Variants in SH3GL2 observed in about 807,000 individuals in gnomAD.
The protein encoded by SH3GL2 is SH3 domain containing GRB2 like 2, endophilin A1.
SH3GL2 carries 24 observed loss-of-function variants against 46.0 expected under a neutral mutation model. The observed-to-expected ratio is 0.52, with a 90% CI of 0.38 to 0.73. The LOEUF (loss-of-function observed/expected upper bound fraction) is 0.73. SH3GL2 is among the 30% of genes least tolerant of loss of function. The pLI, the probability that SH3GL2 is intolerant of heterozygous loss-of-function variation, is 0.00. For missense variants in SH3GL2, 413 were observed against 424.2 expected (o/e 0.97, Z 0.23); for synonymous variants, 196 against 147.1 (o/e 1.33, Z -2.40).
intron 3 of SH3GL2, among the ~76,000 whole-genome samples, chr9:17,784,255 A>G (rs1823894095): frequency 6.6e-6 from 1 of 152,184 alleles, no homozygotes; most frequent in South Asian, 2.1e-4. Context: ...ACAACATTCA[A>G]AATGATGTGT....
At chr9:17,755,744 T>A in intron 2 of SH3GL2, 1 of 982,202 alleles carries the variant, frequency 1.0e-6, no homozygotes, top group Non-Finnish European at 1.2e-6. Flanking sequence ...TATCTTTCAG[T>A]CCTTTTGTTG....
At chr9:17,644,453 C>T (rs544735595) in intron 1 of SH3GL2, among the ~76,000 whole-genome samples, 19 of 152,134 alleles carry the variant, frequency 1.2e-4, no homozygotes, top group African/African-American at 4.6e-4. Flanking sequence ...CCTCTTTCTC[C>T]CGTGGGCATT....
intron 1 of SH3GL2, among the ~76,000 whole-genome samples, chr9:17,607,329 C>T (rs888413699): frequency 1.2e-4 from 18 of 152,100 alleles, no homozygotes; most frequent in East Asian, 3.9e-4. Context: ...ATTTGTGTAT[C>T]GAAACATATT....
rs368284316 is a variant in SH3GL2, at chr9:17,742,811, GT to G, written c.46-4250del. Among the ~76,000 whole-genome samples the G allele has an allele frequency of 3.0e-3, 460 of 152,276 alleles. 1 individual carries two copies. The highest frequency in any genetic ancestry group is 0.01 in the African/African-American group (436 of 41,560). ...GGTTTTGAACCATCAATGTTTTTAG[GT>G]TTTTAAATGGTACAGGAGAGTTGTT... On this transcript the variant is annotated intron_variant, in intron 1 of 8. Coordinates refer to ENST00000380607, the MANE Select transcript of SH3GL2 (RefSeq NM_003026.5).
chr9:17,586,424 C>T (rs920079500), intron 1 of SH3GL2, among the ~76,000 whole-genome samples: 5 of 152,032 alleles, frequency 3.3e-5, no homozygotes, highest in African/African-American at 2.4e-5. Context: ...TTCAAACTAA[C>T]CTTTCCCCAT....
chr9:17,615,936 T>G (rs968907457), intron 1 of SH3GL2, among the ~76,000 whole-genome samples: 1 of 152,114 alleles, frequency 6.6e-6, no homozygotes, highest in South Asian at 2.1e-4. Context: ...GATAGAAAAA[T>G]TGTTGTTCTG....
At chr9:17,647,991 T>G (rs1819863356) in intron 1 of SH3GL2, among the ~76,000 whole-genome samples, 1 of 152,230 alleles carries the variant, frequency 6.6e-6, no homozygotes, top group South Asian at 2.1e-4. Context: ...CACTTCTATT[T>G]AATGGACAGT....
intron 3 of SH3GL2, among the ~76,000 whole-genome samples, chr9:17,765,798 C>T (rs1378181005): frequency 6.6e-6 from 1 of 152,132 alleles, no homozygotes. Flanking sequence ...TGTTTTTCAT[C>T]CGCCATGAGT....
At chr9:17,694,856 G>T (rs1821165524) in intron 1 of SH3GL2, among the ~76,000 whole-genome samples, 1 of 152,156 alleles carries the variant, frequency 6.6e-6, no homozygotes, top group South Asian at 2.1e-4. Flanking sequence ...GGGGCTTACA[G>T]ACTAGAGTTT....
intron 1 of SH3GL2, among the ~76,000 whole-genome samples, chr9:17,628,038 A>G (rs1431517560): frequency 2.0e-5 from 3 of 152,206 alleles, no homozygotes; most frequent in Non-Finnish European, 4.4e-5. Context: ...TTTGGGTCAG[A>G]GGAGTGATTT....
At position 17,764,335 on chromosome 9, in the gene SH3GL2, G is replaced by A. The variant is rs186685715; in HGVS notation, c.187+2826G>A. ...CCTCCACCAGCTTCTTGCCCTGAGA[G>A]TAGACACTGGCCATAGAGCCCAGAC... is the stretch of plus-strand genomic sequence containing the variant. On this transcript the variant is annotated intron_variant, in intron 3 of 8. Coordinates refer to ENST00000380607, the MANE Select transcript of SH3GL2 (RefSeq NM_003026.5). Among the ~76,000 whole-genome samples the A allele has an allele frequency of 1.3e-4, 20 of 152,368 alleles. No homozygotes were observed. The East Asian group carries it at 3.7e-3, about 28-fold the overall frequency.
In SH3GL2 at chr9:17,666,576, G is replaced by GTGTA. The variant is rs1554636879; in HGVS notation, c.46-80488_46-80485dup. ...TGTGTGTGTGTGTGTGTGTGTGTGT[G>GTGTA]TGTATATACATTAAGTTTGCTTTTT... On this transcript the variant is annotated intron_variant, in intron 1 of 8. Transcript: ENST00000380607. Among the ~76,000 whole-genome samples, 5 of 100,510 alleles carry GTGTA rather than the reference G, an allele frequency of 5.0e-5. No homozygotes were observed. The East Asian group carries it at 1.6e-3, about 32-fold the overall frequency. The allele number at this position is 100,510 out of a possible 152,430, so 65.9% of individuals were successfully genotyped here.
intron 1 of SH3GL2, among the ~76,000 whole-genome samples, chr9:17,660,505 T>C (rs1449028766): frequency 6.6e-6 from 1 of 152,226 alleles, no homozygotes; most frequent in Admixed American, 6.5e-5. Flanking sequence ...AGGTGTGATA[T>C]TTGGTACACA....
chr9:17,738,548 G>GTGTGTATATACATACATATACATA (rs1563833708), intron 1 of SH3GL2, among the ~76,000 whole-genome samples: 2 of 78,092 alleles, frequency 2.6e-5, no homozygotes, highest in African/African-American at 4.4e-5. Context: ...ATACATAAGT[G>GTGTGTATATACATACATATACATA]TGTGTGTATA....
chr9:17,706,533 A>G (rs1821477493), intron 1 of SH3GL2, among the ~76,000 whole-genome samples: 1 of 152,030 alleles, frequency 6.6e-6, no homozygotes, highest in Non-Finnish European at 1.5e-5. Context: ...TTTTCTTGCC[A>G]TGGTAAACTT....
chr9:17,620,542 C>T (rs1488379857), intron 1 of SH3GL2, among the ~76,000 whole-genome samples: 1 of 152,128 alleles, frequency 6.6e-6, no homozygotes, highest in Non-Finnish European at 1.5e-5. Context: ...CAAGGCAAAC[C>T]ACTGACTGTG....
intron 1 of SH3GL2, among the ~76,000 whole-genome samples, chr9:17,734,499 G>A (rs72614249): frequency 0.07 from 10,574 of 152,102 alleles, 473 homozygotes; most frequent in Admixed American, 0.13. Flanking sequence ...TATTAGAAAA[G>A]TTAAGAGGTA....
chr9:17,662,388 A>C (rs886510400), intron 1 of SH3GL2, among the ~76,000 whole-genome samples: 1 of 152,178 alleles, frequency 6.6e-6, no homozygotes, highest in Non-Finnish European at 1.5e-5. Flanking sequence ...ATAGGAGAAA[A>C]TGTTCTCATG....
In SH3GL2 at chr9:17,698,806, T is replaced by G. The variant is rs559209528; in HGVS notation, c.46-48260T>G. ...GAAGGGAAGTAAGGTGTTTATTCAT[T>G]TTTTTCTTTTAGCTTTTGTTCTTTC... On this transcript the variant is annotated intron_variant, in intron 1 of 8. Transcript: ENST00000380607. 7.2e-5 allele frequency among the ~76,000 whole-genome samples: 11 copies of G among 152,292 alleles called. No homozygotes were observed. In the East Asian group the frequency reaches 2.1e-3, roughly 29 times the overall value.
Sources: gnomAD v4.1 joint callset for allele counts (sites outside exome capture counted in the v4.1 genomes callset) on GRCh38, gnomAD v4.1.1 for gene constraint, MANE v1.5 for transcripts, NCBI Gene and HGNC (gene_info 2026-07-23, HGNC 2026-07-21) for gene names.